Variants in MSI2 observed in about 807,000 individuals in gnomAD.
The protein encoded by MSI2 is musashi RNA binding protein 2, also known as RNA-binding protein Musashi homolog 2.
In MSI2, 17 loss-of-function variants were observed where a neutral mutation model predicts 45.6. That is an observed-to-expected ratio of 0.37 (90% CI 0.26 to 0.56). The LOEUF (loss-of-function observed/expected upper bound fraction) is 0.56. MSI2 is among the 20% of genes least tolerant of loss of function. MSI2 has a pLI of 0.77. For missense variants in MSI2, 293 were observed against 444.2 expected (o/e 0.66, Z 3.06); for synonymous variants, 156 against 158.2 (o/e 0.99, Z 0.11).
At chr17:57,697,728 CA>C in the MSI2 span, among the ~76,000 whole-genome samples, 1 of 152,138 alleles carries the variant, frequency 6.6e-6, no homozygotes, top group Non-Finnish European at 1.5e-5. Context: ...GAGAGCTAAG[CA>C]AAAGGGGTTT....
intron 6 of MSI2, among the ~76,000 whole-genome samples, chr17:57,426,069 T>C (rs1035558452): frequency 1.3e-5 from 2 of 152,196 alleles, no homozygotes; most frequent in African/African-American, 4.8e-5. Flanking sequence ...AAGTTGTAAA[T>C]GGTTTTGACT....
At chr17:57,547,741 TACAC>T (rs34631177) in intron 7 of MSI2, among the ~76,000 whole-genome samples, 7,501 of 123,262 alleles carry the variant, frequency 0.061, 308 homozygotes, top group African/African-American at 0.12. Flanking sequence ...AGACAAAAAG[TACAC>T]ACACACACAC....
At chr17:57,457,490 T>C (rs1182473704) in intron 6 of MSI2, among the ~76,000 whole-genome samples, 1 of 152,232 alleles carries the variant, frequency 6.6e-6, no homozygotes, top group East Asian at 1.9e-4. Flanking sequence ...TGAACTTATT[T>C]TAAGGAGACT....
At chr17:57,514,841 C>T (rs2086435988) in intron 6 of MSI2, among the ~76,000 whole-genome samples, 1 of 151,932 alleles carries the variant, frequency 6.6e-6, no homozygotes, top group African/African-American at 2.4e-5. Flanking sequence ...CTCTCAGGGT[C>T]AACAGAAGGA....
chr17:57,258,132 A>C, intron 3 of MSI2, 138 bp from the exon 4 acceptor site: 3 of 665,892 alleles, frequency 4.5e-6, no homozygotes, highest in Non-Finnish European at 5.4e-6. Flanking sequence ...CAGGAGGGGA[A>C]TTGGAGGAGG....
chr17:57,383,271 G>A (rs2083628827), intron 5 of MSI2, among the ~76,000 whole-genome samples: 1 of 152,216 alleles, frequency 6.6e-6, no homozygotes, highest in South Asian at 2.1e-4. Flanking sequence ...TTTGGCAAGG[G>A]CAAGAAAGGC....
At chr17:57,414,723 G>T (rs370191303) in intron 6 of MSI2, among the ~76,000 whole-genome samples, 1 of 152,094 alleles carries the variant, frequency 6.6e-6, no homozygotes, top group African/African-American at 2.4e-5. Flanking sequence ...TTAAAATGGG[G>T]CATTAAGAGA....
intron 5 of MSI2, among the ~76,000 whole-genome samples, chr17:57,351,647 G>A (rs1295877018): frequency 6.6e-6 from 1 of 152,174 alleles, no homozygotes; most frequent in Non-Finnish European, 1.5e-5. Flanking sequence ...TCTGAGGTCA[G>A]GAGTTTGAAA....
At chr17:57,325,047 C>G (rs1363167814) in intron 5 of MSI2, among the ~76,000 whole-genome samples, 2 of 152,150 alleles carry the variant, frequency 1.3e-5, no homozygotes, top group Non-Finnish European at 2.9e-5. Flanking sequence ...GCACAGTTCC[C>G]AGTTGCAAAG....
downstream of MSI2, among the ~76,000 whole-genome samples, chr17:57,688,961 A>G (rs1913932929): frequency 6.6e-6 from 1 of 152,256 alleles, no homozygotes. Flanking sequence ...TCCACATTCC[A>G]GTAATAATAA....
intron 10 of MSI2, among the ~76,000 whole-genome samples, chr17:57,651,245 C>T (rs8077327): frequency 0.16 from 24,079 of 151,976 alleles, 2,927 homozygotes; most frequent in African/African-American, 0.34. Flanking sequence ...CCTTGCTGCC[C>T]GGTGCATTTT....
intron 6 of MSI2, among the ~76,000 whole-genome samples, chr17:57,451,962 A>T (rs1306535866): frequency 6.6e-6 from 1 of 152,116 alleles, no homozygotes; most frequent in Non-Finnish European, 1.5e-5. Flanking sequence ...GGCGTGAGGA[A>T]GTTGTGCAGA....
At chr17:57,549,481 G>A (rs1439368473) in intron 7 of MSI2, among the ~76,000 whole-genome samples, 1 of 152,100 alleles carries the variant, frequency 6.6e-6, no homozygotes. Flanking sequence ...ATAGCTCTTT[G>A]CTGTCCTTTC....
chr17:57,369,322 C>T (rs557015050), intron 5 of MSI2, among the ~76,000 whole-genome samples: 74 of 152,246 alleles, frequency 4.9e-4, no homozygotes, highest in African/African-American at 1.7e-3. Context: ...GGGAAAGGGG[C>T]AAGAATACAG....
rs976177935 is a variant in MSI2 at position 57,682,571 on chromosome 17, A to G, written c.*3054A>G. The stretch of plus-strand genomic sequence containing the variant: ...ATAGCACAAATCTTGTGGAAATCCG[A>G]TATGTTTTAATGTGGCTACCTAGGT... On this transcript the variant is annotated 3_prime_UTR_variant, in exon 14 of 14. Coordinates refer to ENST00000284073, the MANE Select transcript of MSI2 (RefSeq NM_138962.4). The G allele has an allele frequency of 1.4e-5, 3 of 211,390 alleles. No individual in the cohort carries two copies. The highest frequency in any genetic ancestry group is 2.9e-5 in the Non-Finnish European group (3 of 104,516). The allele number at this position is 211,390 out of a possible 1,614,324, so 13.1% of individuals were successfully genotyped here.
intron 7 of MSI2, among the ~76,000 whole-genome samples, chr17:57,576,847 A>T (rs895072704): frequency 6.6e-6 from 1 of 150,924 alleles, no homozygotes; most frequent in Non-Finnish European, 1.5e-5. Flanking sequence ...GACATGGTTT[A>T]TAGGAAGCCT....
chr17:57,374,135 T>C (rs1423126723), intron 5 of MSI2, among the ~76,000 whole-genome samples: 1 of 152,182 alleles, frequency 6.6e-6, no homozygotes, highest in Non-Finnish European at 1.5e-5. Flanking sequence ...TAGAGAATTG[T>C]CCAGAATTTA....
chr17:57,593,277 T>A (rs1027268034), intron 7 of MSI2, among the ~76,000 whole-genome samples: 1 of 152,218 alleles, frequency 6.6e-6, no homozygotes, highest in Non-Finnish European at 1.5e-5. Flanking sequence ...GTATTAGTTT[T>A]CTGTGGCTGC....
At chr17:57,380,092 G>T (rs1196524751) in intron 5 of MSI2, among the ~76,000 whole-genome samples, 1 of 152,156 alleles carries the variant, frequency 6.6e-6, no homozygotes, top group Admixed American at 6.5e-5. Context: ...GTGCTAGGGG[G>T]TGGGAGGAGG....
Sources: allele counts gnomAD v4.1 joint callset (sites outside exome capture counted in the v4.1 genomes callset), GRCh38; gene constraint gnomAD v4.1.1; transcripts MANE v1.5; gene names NCBI Gene and HGNC (gene_info 2026-07-23, HGNC 2026-07-21).